Variants in DIS3L observed in about 807,000 individuals in gnomAD.
The protein encoded by DIS3L is DIS3-like exonuclease 1.
A neutral mutation model predicts 120.3 loss-of-function variants in DIS3L; 100 were observed. That is an observed-to-expected ratio of 0.83 (90% confidence interval 0.71 to 0.98). DIS3L has a LOEUF of 0.98. Ranked by LOEUF, DIS3L falls within the 50% of genes least tolerant of loss-of-function variation. The probability of loss-of-function intolerance (pLI) is 0.00; values close to 1 mark genes in which losing one functional copy is unlikely to be tolerated. For synonymous variants in DIS3L, 426 were observed against 470.6 expected (o/e 0.91, Z 1.23); for missense variants, 1,196 against 1,314.2 (o/e 0.91, Z 1.39).
chr15:66,318,437 G>T lies in DIS3L; in HGVS notation c.995-12G>T, dbSNP rs766886873. The T allele has an allele frequency of 1.1e-5, 17 of 1,611,704 alleles. No homozygotes were observed. The Admixed American group carries it at 2.8e-4, about 27-fold the overall frequency. ...ACCAGTTAATGCCTTGTTTTGTTTT[G>T]TTTTGCCAAAGGTCGAGTGGTGGGC... On this transcript the variant is annotated splice_polypyrimidine_tract_variant and intron_variant, in intron 7 of 16. Transcript: ENST00000319212.
At chr15:66,316,196 C>A (rs1205957595) in intron 7 of DIS3L, among the ~76,000 whole-genome samples, 1 of 152,222 alleles carries the variant, frequency 6.6e-6, no homozygotes, top group Non-Finnish European at 1.5e-5. Flanking sequence ...ACGTGTCCCA[C>A]ACAGACTCCT....
intron 4 of DIS3L, among the ~76,000 whole-genome samples, chr15:66,311,430 G>A (rs1191852379): frequency 1.3e-5 from 2 of 152,178 alleles, no homozygotes; most frequent in Non-Finnish European, 2.9e-5. Flanking sequence ...CTGCCTGGAC[G>A]TGCGCAGGTG....
At chr15:66,323,619 C>T in intron 11 of DIS3L, 34 bp downstream of exon 11, 1 of 1,604,802 alleles carries the variant, frequency 6.2e-7, no homozygotes, top group Admixed American at 1.7e-5. Context: ...AAAGCTTGTC[C>T]TGGCCCTTCT....
At chr15:66,302,752 C>G (rs1327319231) in intron 2 of DIS3L, among the ~76,000 whole-genome samples, 1 of 152,138 alleles carries the variant, frequency 6.6e-6, no homozygotes, top group Admixed American at 6.5e-5. Context: ...CTTATCCCAC[C>G]GAAATGGGTG....
chr15:66,306,192 G>A (rs2092701023), intron 2 of DIS3L, among the ~76,000 whole-genome samples: 2 of 152,098 alleles, frequency 1.3e-5, no homozygotes, highest in Admixed American at 6.6e-5. Context: ...CCATGCTGGT[G>A]TTGAACTCCT....
At chr15:66,318,304 A>G in intron 7 of DIS3L, 145 bp from the exon 8 acceptor site, 4 of 939,940 alleles carry the variant, frequency 4.3e-6, no homozygotes, top group Non-Finnish European at 6.2e-6. Flanking sequence ...CTTCCTTTCA[A>G]AAACATTCTT....
upstream of DIS3L, chr15:66,293,543 C>T: frequency 3.0e-6 from 4 of 1,352,196 alleles, no homozygotes; most frequent in South Asian, 3.2e-5. Flanking sequence ...TCCGAGGCCG[C>T]GGCCTTGCCT....
At chr15:66,294,048 C>G (rs2092555790) in intron 1 of DIS3L, 1 of 986,918 alleles carries the variant, frequency 1.0e-6, no homozygotes, top group Non-Finnish European at 1.2e-6. Context: ...GGCGCGGAAG[C>G]CGAGGCCTCC....
Position 66,333,225 on chromosome 15 carries a change from CCAAA to C in DIS3L, c.3083_3086del (p.Thr1028ArgfsTer9), listed in dbSNP as rs745389345. 40 of 1,614,030 alleles carry C rather than the reference CCAAA, an allele frequency of 2.5e-5. No homozygotes were observed. The highest frequency in any genetic ancestry group is 2.2e-4 in the East Asian group (10 of 44,872). ...TTCAGGAGGAATATCAAGAATATCGCCAAACAAAGGGAAGGAGCCTATACACACT... is the reference window on the plus strand; with the variant it reads ...TTCAGGAGGAATATCAAGAATATCGCCAAAGGGAAGGAGCCTATACACACT... On this transcript the variant is annotated frameshift_variant, in exon 17 of 17. Transcript: ENST00000319212. LOFTEE classifies it high-confidence loss of function.
intron 12 of DIS3L, among the ~76,000 whole-genome samples, chr15:66,327,642 G>GT (rs1210581188): frequency 4.6e-5 from 7 of 152,232 alleles, no homozygotes; most frequent in African/African-American, 1.7e-4. Flanking sequence ...TACTTGGGAG[G>GT]TTGAGGCAGG....
chr15:66,319,037 A>G (rs1595746936), intron 8 of DIS3L, among the ~76,000 whole-genome samples: 2 of 151,684 alleles, frequency 1.3e-5, no homozygotes, highest in East Asian at 3.9e-4. Context: ...ATGATCCACC[A>G]CCTCCACCTC....
chr15:66,321,470 T>TA (rs1299785186), intron 9 of DIS3L, among the ~76,000 whole-genome samples: 13 of 152,198 alleles, frequency 8.5e-5, no homozygotes, highest in Admixed American at 1.3e-4. Flanking sequence ...TTCAGTGTTA[T>TA]AAAAAAATGT....
At chr15:66,318,918 G>A (rs1215347249) in intron 8 of DIS3L, among the ~76,000 whole-genome samples, 2 of 151,856 alleles carry the variant, frequency 1.3e-5, no homozygotes, top group Non-Finnish European at 2.9e-5. Context: ...TCAGCCTCCC[G>A]AGTAGCTGGG....
intron 2 of DIS3L, among the ~76,000 whole-genome samples, chr15:66,296,239 T>C (rs1490889782): frequency 6.6e-6 from 1 of 152,212 alleles, no homozygotes; most frequent in Non-Finnish European, 1.5e-5. Flanking sequence ...ATATTTTTAA[T>C]GTTAAGGATT....
At chr15:66,320,832 C>A in intron 9 of DIS3L, 100 bp downstream of exon 9, 1 of 1,416,822 alleles carries the variant, frequency 7.1e-7, no homozygotes, top group Non-Finnish European at 9.5e-7. Context: ...GTGGAACAAC[C>A]CACTGTGTGA....
At chr15:66,296,068 A>C (rs956163497) in intron 2 of DIS3L, among the ~76,000 whole-genome samples, 5 of 152,334 alleles carry the variant, frequency 3.3e-5, no homozygotes, top group African/African-American at 1.2e-4. Flanking sequence ...AATGATCTTC[A>C]AGTTGATTTT....
intron 5 of DIS3L, among the ~76,000 whole-genome samples, chr15:66,312,775 C>A (rs187875902): frequency 6.6e-6 from 1 of 152,136 alleles, no homozygotes; most frequent in Non-Finnish European, 1.5e-5. Context: ...TCCACCACCA[C>A]AATCAAGATA....
intron 1 of DIS3L, chr15:66,294,435 A>G: frequency 1.0e-6 from 1 of 985,938 alleles, no homozygotes; most frequent in African/African-American, 1.7e-5. Context: ...AATCCTCCAA[A>G]CATTGTGATT....
chr15:66,325,754 C>T, intron 11 of DIS3L, 77 bp from the exon 12 acceptor site: 1 of 1,492,652 alleles, frequency 6.7e-7, no homozygotes, highest in Non-Finnish European at 9.0e-7. Flanking sequence ...GAGCAAGATC[C>T]TGTCTCAAAA....
Sources: allele counts gnomAD v4.1 joint callset (sites outside exome capture counted in the v4.1 genomes callset), GRCh38; gene constraint gnomAD v4.1.1; transcripts MANE v1.5; gene names NCBI Gene and HGNC (gene_info 2026-07-23, HGNC 2026-07-21).